Variants in SLMAP observed in about 807,000 individuals in gnomAD.
SLMAP encodes the protein sarcolemmal membrane-associated protein.
A neutral mutation model predicts 128.8 loss-of-function variants in SLMAP; 44 were observed. The ratio of observed to expected loss-of-function variants is 0.34; its 90% CI spans 0.27 to 0.44. The LOEUF is 0.44. SLMAP is among the 20% of genes least tolerant of loss of function. SLMAP has a pLI of 1.00. For missense variants in SLMAP, 787 were observed against 985.3 expected (o/e 0.80, Z 2.69); for synonymous variants, 327 against 348.8 (o/e 0.94, Z 0.70).
chr3:57,865,525 T>C (rs978167375), intron 13 of SLMAP, among the ~76,000 whole-genome samples: 1 of 152,136 alleles, frequency 6.6e-6, no homozygotes, highest in Non-Finnish European at 1.5e-5. Flanking sequence ...ATCAGAAAAT[T>C]ATTAAGTTCA....
chr3:57,826,510 T>C (rs771022698), intron 2 of SLMAP, among the ~76,000 whole-genome samples: 9 of 152,200 alleles, frequency 5.9e-5, no homozygotes, highest in Non-Finnish European at 1.2e-4. Flanking sequence ...TTTTGTAAAA[T>C]GTTTAAAAAT....
intron 2 of SLMAP, among the ~76,000 whole-genome samples, chr3:57,808,236 G>GT (rs1268080933): frequency 5.9e-5 from 9 of 151,762 alleles, no homozygotes; most frequent in African/African-American, 1.2e-4. Flanking sequence ...TTTTTGTAGG[G>GT]TTTTTTGTGT....
chr3:57,854,296 CT>C (rs539236838), intron 6 of SLMAP, among the ~76,000 whole-genome samples: 37 of 140,394 alleles, frequency 2.6e-4, no homozygotes, highest in Non-Finnish European at 4.7e-4. Flanking sequence ...AGCAATCTCT[CT>C]TTTTAAATGT....
intron 21 of SLMAP, 144 bp from the exon 22 acceptor site, chr3:57,916,762 G>T: frequency 1.6e-6 from 1 of 633,290 alleles, no homozygotes; most frequent in Non-Finnish European, 2.6e-6. Flanking sequence ...CTTATTGAAT[G>T]AAAATATTTC....
At chr3:57,916,670 G>T (rs1162530751) in intron 21 of SLMAP, among the ~76,000 whole-genome samples, 1 of 152,078 alleles carries the variant, frequency 6.6e-6, no homozygotes, top group Non-Finnish European at 1.5e-5. Flanking sequence ...TCCTATTTCT[G>T]TTTTTAAAAT....
intron 2 of SLMAP, among the ~76,000 whole-genome samples, chr3:57,774,351 G>T (rs1278721078): frequency 1.3e-5 from 2 of 151,988 alleles, no homozygotes; most frequent in Non-Finnish European, 2.9e-5. Context: ...TTTGAATAAT[G>T]TGTGAAAAAA....
At chr3:57,893,562 A>G (rs1232579567) in intron 15 of SLMAP, among the ~76,000 whole-genome samples, 1 of 152,204 alleles carries the variant, frequency 6.6e-6, no homozygotes, top group African/African-American at 2.4e-5. Flanking sequence ...TACTCTAAAT[A>G]TAGAGTAAGA....
chr3:57,883,744 A>G (rs1237445151), intron 14 of SLMAP, among the ~76,000 whole-genome samples: 1 of 152,110 alleles, frequency 6.6e-6, no homozygotes, highest in African/African-American at 2.4e-5. Context: ...ATGGGTTTCC[A>G]CTTTCTCTTT....
At chr3:57,881,362 C>T (rs972588665) in intron 14 of SLMAP, among the ~76,000 whole-genome samples, 16 of 152,086 alleles carry the variant, frequency 1.1e-4, no homozygotes, top group African/African-American at 3.6e-4. Flanking sequence ...GATCTCACCT[C>T]GATTGTATGT....
chr3:57,801,559 A>AT (rs2088375115), intron 2 of SLMAP: 1 of 151,746 alleles, frequency 6.6e-6, no homozygotes, highest in South Asian at 2.1e-4. Flanking sequence ...GCCCACAGAC[A>AT]TTTTTTAAGG....
chr3:57,770,666 G>A (rs548153552), intron 2 of SLMAP, among the ~76,000 whole-genome samples: 16 of 152,146 alleles, frequency 1.1e-4, no homozygotes, highest in Non-Finnish European at 1.6e-4. Context: ...TGTGTTTTCA[G>A]TTTTCCTCAT....
Position 57,766,550 on chromosome 3 carries a change from T to C in SLMAP, c.198+8701T>C, listed in dbSNP as rs529087533. ...TCTTTCCTCTTCTCAGGTACATGCT[T>C]CTCTTACTGACACTATATAGGTAGA... On this transcript the variant is annotated intron_variant, in intron 2 of 24. Coordinates refer to ENST00000671191, the MANE Select transcript of SLMAP (RefSeq NM_001377540.1). Among the ~76,000 whole-genome samples the C allele has an allele frequency of 4.6e-5, 7 of 152,354 alleles. No individual in the cohort carries two copies. The East Asian group carries it at 1.2e-3, about 25-fold the overall frequency.
intron 3 of SLMAP, 70 bp downstream of exon 3, chr3:57,831,600 G>A (rs1420277446): frequency 3.6e-6 from 4 of 1,102,256 alleles, no homozygotes; most frequent in African/African-American, 3.3e-5. Context: ...TATCTTACTT[G>A]ACATTATGAA....
intron 3 of SLMAP, among the ~76,000 whole-genome samples, chr3:57,836,371 A>AT (rs1354858289): frequency 2.6e-5 from 4 of 152,196 alleles, no homozygotes; most frequent in Non-Finnish European, 2.9e-5. Context: ...AAAAGAATAT[A>AT]TATAATATGT....
chr3:57,916,773 A>C (rs1284162103), intron 21 of SLMAP, 133 bp from the exon 22 acceptor site: 1 of 669,394 alleles, frequency 1.5e-6, no homozygotes. Context: ...AAAATATTTC[A>C]TTCTTTTTTA....
chr3:57,866,076 C>T (rs1055191580), intron 13 of SLMAP, among the ~76,000 whole-genome samples: 17 of 152,076 alleles, frequency 1.1e-4, no homozygotes, highest in African/African-American at 3.1e-4. Flanking sequence ...AGAAGTTAGT[C>T]GAAGATATCA....
At chr3:57,784,786 C>G in intron 2 of SLMAP, among the ~76,000 whole-genome samples, 1 of 152,096 alleles carries the variant, frequency 6.6e-6, no homozygotes, top group East Asian at 1.9e-4. Flanking sequence ...AATGCAACAG[C>G]ATTGGGAGGT....
chr3:57,864,548 G>C lies in SLMAP; in HGVS notation c.967G>C (p.Val323Leu). Reference sequence around the variant, plus strand: ...TAACTGAATTTTCTTATTTTTCTAGGTAGCAGAGGGAAAACAAGAGGAAAT... The same window carrying C: ...TAACTGAATTTTCTTATTTTTCTAGCTAGCAGAGGGAAAACAAGAGGAAAT... ...EIKDLSDKLKVAEGKQEEIQQ... is the reference protein window; with the variant it reads ...EIKDLSDKLKLAEGKQEEIQQ... The change falls in exon 11 of 25, where the codon GTA (valine) becomes CTA (leucine). Residue 323 changes from valine (V) to leucine (L), a missense_variant and splice_region_variant. Physicochemically the swap from Val to Leu is conservative, Grantham distance 32. Around this residue, in one of 2 missense-constraint regions of SLMAP, gnomAD observed 715 missense variants for 843.6 expected, o/e 0.85. Transcript: ENST00000671191. 6.4e-7 allele frequency: 1 copy of C among 1,562,424 alleles called. No individual in the cohort carries two copies. Among genetic ancestry groups the C allele is most frequent in the South Asian group, 1.2e-5 (1 of 81,760 alleles).
chr3:57,858,117 A>G lies in SLMAP; in HGVS notation c.645A>G (p.Ser215=), dbSNP rs1159245337. The change falls in exon 8 of 25, where the codon TCA becomes TCG. Residue 215 remains serine (S), a synonymous_variant. Coordinates refer to ENST00000671191, the MANE Select transcript of SLMAP (RefSeq NM_001377540.1). ...QALIDEDRLL[S]RLEVMGNQLQ... ...TAATAGATGAAGATAGACTCTTATC[A>G]CGGTTAGAAGTTATGGGAAACCAAT... 1.9e-6 allele frequency: 3 copies of G among 1,602,562 alleles called. No homozygotes were observed. Among genetic ancestry groups the G allele is most frequent in the Non-Finnish European group, 2.6e-6 (3 of 1,169,772 alleles).
Sources: allele counts gnomAD v4.1 joint callset (sites outside exome capture counted in the v4.1 genomes callset), GRCh38; gene constraint gnomAD v4.1.1; regional missense constraint gnomAD v4.1.1; transcripts MANE v1.5; gene names NCBI Gene and HGNC (gene_info 2026-07-23, HGNC 2026-07-21).